Variants in MALT1 observed in about 807,000 individuals in gnomAD.
MALT1 encodes mucosa-associated lymphoid tissue lymphoma translocation protein 1.
Under a neutral mutation model 85.5 loss-of-function variants are expected in MALT1, and 36 were observed. That is an observed-to-expected ratio of 0.42 (90% confidence interval 0.32 to 0.56). The LOEUF is 0.56. Ranked by LOEUF, MALT1 falls within the 20% of genes least tolerant of loss-of-function variation. MALT1 has a pLI of 0.10. For synonymous variants in MALT1, 359 were observed against 361.3 expected (o/e 0.99, Z 0.07); for missense variants, 716 against 981.6 (o/e 0.73, Z 3.62).
At chr18:58,721,314 A>C (rs1381163866) in intron 9 of MALT1, among the ~76,000 whole-genome samples, 1 of 152,180 alleles carries the variant, frequency 6.6e-6, no homozygotes, top group Non-Finnish European at 1.5e-5. Context: ...GGGAGGCAGA[A>C]GGTTGCAGTG....
chr18:58,722,698 T>C (rs1180945117), intron 9 of MALT1, among the ~76,000 whole-genome samples: 1 of 152,250 alleles, frequency 6.6e-6, no homozygotes, highest in Non-Finnish European at 1.5e-5. Flanking sequence ...TTGTTTAAAT[T>C]TTCTCCAAAA....
At chr18:58,738,873 G>A (rs532132220) in intron 13 of MALT1, among the ~76,000 whole-genome samples, 13 of 152,154 alleles carry the variant, frequency 8.5e-5, no homozygotes, top group East Asian at 3.9e-4. Context: ...AGCGAGGACC[G>A]CTAAGACACA....
intron 16 of MALT1, among the ~76,000 whole-genome samples, chr18:58,746,813 C>G (rs558628359): frequency 1.3e-5 from 2 of 152,050 alleles, no homozygotes; most frequent in African/African-American, 4.8e-5. Flanking sequence ...CTGCAACCTC[C>G]ACCTCCCAGA....
At chr18:58,731,896 T>A (rs1242167350) in intron 10 of MALT1, among the ~76,000 whole-genome samples, 1 of 152,202 alleles carries the variant, frequency 6.6e-6, no homozygotes, top group African/African-American at 2.4e-5. Context: ...AGTGCACACA[T>A]GAGCTGTAAT....
At chr18:58,680,308 G>A (rs1180770270) in intron 1 of MALT1, among the ~76,000 whole-genome samples, 2 of 152,014 alleles carry the variant, frequency 1.3e-5, no homozygotes, top group Non-Finnish European at 2.9e-5. Flanking sequence ...ATTATACACA[G>A]TTTTTTATGT....
Position 58,741,949 on chromosome 18 carries a change from C to T in MALT1, c.1688C>T (p.Pro563Leu), listed in dbSNP as rs777604353. The change falls in exon 14 of 17, where the codon CCA (proline) becomes CTA (leucine). Residue 563 changes from proline to leucine, a missense_variant. By Grantham distance (98) the Pro-to-Leu change is moderately conservative. Coordinates refer to ENST00000649217, the MANE Select transcript of MALT1 (RefSeq NM_006785.4). ...SLSEKRALTD[P>L]IQGTEYSAES... ...TCTGAGAAGAGAGCACTTACTGATC[C>T]AATACAGGGAACAGAATATTCTGCT... is the stretch of plus-strand genomic sequence containing the variant. The T allele has an allele frequency of 1.3e-6, 2 of 1,569,786 alleles. No individual in the cohort carries two copies. Among genetic ancestry groups the T allele is most frequent in the Non-Finnish European group, 1.7e-6 (2 of 1,148,028 alleles).
chr18:58,671,655 G>A lies in MALT1; in HGVS notation c.12G>A (p.Leu4=). 1 of 1,219,142 alleles carries A rather than the reference G, an allele frequency of 8.2e-7. No homozygotes were observed. Among genetic ancestry groups the A allele is most frequent in the Non-Finnish European group, 1.0e-6 (1 of 979,872 alleles). 75.5% of individuals were successfully genotyped at this position (1,219,142 alleles called of 1,614,324 possible). ...CGCCGGCGAGGGCCATGTCGCTGTT[G>A]GGGGACCCGCTACAGGCCCTGCCGC... MSL[L]GDPLQALPPS... The change falls in exon 1 of 17, where the codon TTG becomes TTA. Residue 4 remains leucine, a synonymous_variant. Coordinates refer to ENST00000649217, the MANE Select transcript of MALT1 (RefSeq NM_006785.4).
chr18:58,709,595 A>G (rs780159081), intron 5 of MALT1, 39 bp downstream of exon 5: 16 of 1,497,880 alleles, frequency 1.1e-5, no homozygotes, highest in African/African-American at 1.4e-5. Flanking sequence ...GGGAGTTAAC[A>G]TGTAAAACAA....
intron 13 of MALT1, among the ~76,000 whole-genome samples, chr18:58,740,531 TATATA>T (rs2055287788): frequency 6.6e-6 from 1 of 152,086 alleles, no homozygotes; most frequent in Non-Finnish European, 1.5e-5. Flanking sequence ...ACCTTTAAGT[TATATA>T]ATATTATCTT....
chr18:58,682,811 T>A (rs1361867670), intron 2 of MALT1, among the ~76,000 whole-genome samples: 1 of 152,208 alleles, frequency 6.6e-6, no homozygotes, highest in Non-Finnish European at 1.5e-5. Context: ...ATAAGGAGAC[T>A]TGGACTCCCA....
intron 3 of MALT1, chr18:58,697,410 T>C (rs753485675): frequency 2.6e-5 from 4 of 152,198 alleles, no homozygotes; most frequent in Admixed American, 2.0e-4. Flanking sequence ...AGTAAAAAGA[T>C]TGCATGTAGC....
At chr18:58,674,909 G>A (rs1054315543) in intron 1 of MALT1, among the ~76,000 whole-genome samples, 5 of 152,098 alleles carry the variant, frequency 3.3e-5, no homozygotes, top group Non-Finnish European at 7.4e-5. Context: ...CAAACTGGGT[G>A]AAAATTTAAT....
chr18:58,730,903 A>T (rs1157408972), intron 10 of MALT1, among the ~76,000 whole-genome samples: 1 of 152,136 alleles, frequency 6.6e-6, no homozygotes, highest in Non-Finnish European at 1.5e-5. Context: ...CCACTCATAT[A>T]TCCTCTTTGG....
chr18:58,715,153 A>G (rs936133587), intron 8 of MALT1, among the ~76,000 whole-genome samples: 5 of 152,168 alleles, frequency 3.3e-5, no homozygotes, highest in Non-Finnish European at 7.3e-5. Context: ...TTACTGGGGG[A>G]GAATAGGGGG....
chr18:58,728,081 A>G (rs940571544), intron 10 of MALT1, among the ~76,000 whole-genome samples: 2 of 152,186 alleles, frequency 1.3e-5, no homozygotes, highest in African/African-American at 4.8e-5. Flanking sequence ...TTTTTCATTT[A>G]AATGATTATT....
At position 58,723,093 on chromosome 18, in the gene MALT1, A is replaced by G; in HGVS notation, c.1064A>G (p.Glu355Gly). ...ALLIGNMNYR[E>G]HPKLKAPLVD... is the part of the protein sequence containing the mutation. The stretch of plus-strand genomic sequence containing the variant: ...TTGATAGGAAATATGAATTACCGGG[A>G]GCACCCCAAGCTCAAAGCTCCTTTG... Residue 355 changes from glutamate (E) to glycine (G), a missense_variant, in exon 10 of 17, where the codon GAG (glutamate) becomes GGG (glycine). Around this residue, in one of 4 missense-constraint regions of MALT1, gnomAD observed 290 missense variants for 380.5 expected, o/e 0.76. Transcript: ENST00000649217. 1 of 1,613,886 alleles carries G rather than the reference A, an allele frequency of 6.2e-7. No homozygotes were observed. Among genetic ancestry groups the G allele is most frequent in the African/African-American group, 1.3e-5 (1 of 74,976 alleles).
intron 10 of MALT1, among the ~76,000 whole-genome samples, chr18:58,727,654 G>A (rs2055083045): frequency 8.6e-6 from 1 of 116,754 alleles, no homozygotes; most frequent in Non-Finnish European, 1.7e-5. Context: ...AGGAAAAAAA[G>A]TCAGGGGGTT....
chr18:58,729,540 A>G (rs2055116942), intron 10 of MALT1, among the ~76,000 whole-genome samples: 1 of 151,978 alleles, frequency 6.6e-6, no homozygotes, highest in Admixed American at 6.6e-5. Flanking sequence ...ATACAAGGAG[A>G]AAAAAACACT....
intron 15 of MALT1, among the ~76,000 whole-genome samples, chr18:58,744,910 G>A (rs1266474428): frequency 6.6e-6 from 1 of 151,798 alleles, no homozygotes; most frequent in African/African-American, 2.4e-5. Flanking sequence ...ATTTAGGTTT[G>A]ATAGTTATTT....
Sources: gnomAD v4.1 joint callset for allele counts (sites outside exome capture counted in the v4.1 genomes callset) on GRCh38, gnomAD v4.1.1 for gene constraint, gnomAD v4.1.1 regional missense constraint, MANE v1.5 for transcripts, NCBI Gene and HGNC (gene_info 2026-07-23, HGNC 2026-07-21) for gene names.